Variants in MVD observed in about 807,000 individuals in gnomAD.
The protein encoded by MVD is diphosphomevalonate decarboxylase.
MVD carries 52 observed loss-of-function variants against 42.4 expected under a neutral mutation model. The ratio of observed to expected loss-of-function variants is 1.23; its 90% CI spans 0.98 to 1.55. The LOEUF (loss-of-function observed/expected upper bound fraction) is 1.55. Ranked by LOEUF, MVD falls within the 40% of genes most tolerant of loss-of-function variation. MVD has a pLI of 0.00. For missense variants in MVD, 663 were observed against 572.1 expected (o/e 1.16, Z -1.62); for synonymous variants, 287 against 243.2 (o/e 1.18, Z -1.68).
In MVD at chr16:88,655,648, GGC is replaced by G. The variant is rs1164227528; in HGVS notation, c.678+6_678+7del. 19 of 1,550,780 alleles carry G rather than the reference GGC, an allele frequency of 1.2e-5. No individual in the cohort carries two copies. The highest frequency in any genetic ancestry group is 1.6e-5 in the Non-Finnish European group (18 of 1,147,712). On this transcript the variant is annotated splice_donor_region_variant and intron_variant, in intron 6 of 9. Transcript: ENST00000301012. ...CAGGGCCCCGGGACCACCCGCTCCT[GGC>G]CTTACCCGAAGCAGGGGGCTGGTCT...
rs566255213 is a variant in MVD at position 88,652,274 on chromosome 16, A to C, written c.*251T>G. The C allele has an allele frequency of 3.4e-6, 2 of 591,344 alleles. No individual in the cohort carries two copies. The highest frequency in any genetic ancestry group is 5.7e-5 in the East Asian group (2 of 35,304). The allele number at this position is 591,344 out of a possible 1,614,324, so 36.6% of individuals were successfully genotyped here. A position where few individuals can be genotyped will look rare whatever the true frequency, so the allele number is the denominator to read the frequency against. On this transcript the variant is annotated 3_prime_UTR_variant, in exon 10 of 10. Coordinates refer to ENST00000301012, the MANE Select transcript of MVD (RefSeq NM_002461.3). ...CTGCACCGAGGCTCTGCCAGTTCTC[A>C]TACCCCCTCCCCATCCCATCTTGGC...
At chr16:88,662,918 A>G in intron 1 of MVD, 93 bp downstream of exon 1, 1 of 1,538,096 alleles carries the variant, frequency 6.5e-7, no homozygotes, top group Middle Eastern at 1.9e-4. Flanking sequence ...CTGGGAGGGC[A>G]GGACGGAGCG....
intron 1 of MVD, among the ~76,000 whole-genome samples, chr16:88,659,701 C>A (rs1432634401): frequency 1.3e-5 from 2 of 152,188 alleles, no homozygotes; most frequent in Non-Finnish European, 2.9e-5. Context: ...CGCGGTGGCT[C>A]ACGCCTGTAA....
chr16:88,657,230 G>C (rs1907989762), intron 4 of MVD: 2 of 779,466 alleles, frequency 2.6e-6, no homozygotes, highest in African/African-American at 1.7e-5. Context: ...ACAGGCGAGA[G>C]CCCCACGCCA....
chr16:88,663,059 C>T lies in MVD; in HGVS notation c.22G>A (p.Ala8Thr), dbSNP rs762416390. 8 of 1,610,214 alleles carry T rather than the reference C, an allele frequency of 5.0e-6. No individual in the cohort carries two copies. The highest frequency in any genetic ancestry group is 5.9e-6 in the Non-Finnish European group (7 of 1,178,920). ...ACCGGCGCTGTACAAGTGACTGCCGCCAGCGGCTTCTCCGAGGCCATGGTC... is the reference window on the plus strand; with the variant it reads ...ACCGGCGCTGTACAAGTGACTGCCGTCAGCGGCTTCTCCGAGGCCATGGTC... MASEKPL[A>T]AVTCTAPVNI... The change falls in exon 1 of 10, where the codon GCG becomes ACG. Residue 8 changes from alanine (A) to threonine (T), a missense_variant. Coordinates refer to ENST00000301012, the MANE Select transcript of MVD (RefSeq NM_002461.3).
At chr16:88,653,232 T>G (rs1279729797) in intron 9 of MVD, 68 bp downstream of exon 9, 3 of 1,326,318 alleles carry the variant, frequency 2.3e-6, no homozygotes, top group Non-Finnish European at 3.1e-6. Context: ...TTAAGGGCCC[T>G]GGGGGCTGGG....
At chr16:88,657,215 G>A (rs1907988320) in intron 4 of MVD, 1 of 729,406 alleles carries the variant, frequency 1.4e-6, no homozygotes, top group Non-Finnish European at 2.4e-6. Context: ...TTAAGTACTG[G>A]GATTACAGGC....
chr16:88,657,561 C>T lies in MVD; in HGVS notation c.278G>A (p.Arg93Gln), dbSNP rs763584695. 8.7e-6 allele frequency: 14 copies of T among 1,612,532 alleles called. No individual in the cohort carries two copies. The highest frequency in any genetic ancestry group is 5.0e-5 in the Admixed American group (3 of 60,002). Residue 93 changes from arginine (R) to glutamine (Q), a missense_variant, in exon 4 of 10, where the codon CGG becomes CAG. Arg to Gln is a conservative substitution (Grantham distance 43). Coordinates refer to ENST00000301012, the MANE Select transcript of MVD (RefSeq NM_002461.3). The stretch of plus-strand genomic sequence containing the variant: ...CGGGTCCCCATCCCGTGAGTTCCTC[C>T]GCTTCCGGGCCAGGCAGCGGACTGC... ...LREIRCLARK[R>Q]RNSRDGDPLP... is the part of the protein sequence containing the mutation.
At position 88,655,229 on chromosome 16, in the gene MVD, G is replaced by C. The variant is rs778424719; in HGVS notation, c.867C>G (p.His289Gln). 5 of 1,576,560 alleles carry C rather than the reference G, an allele frequency of 3.2e-6. No individual in the cohort carries two copies. Among genetic ancestry groups the C allele is most frequent in the Non-Finnish European group, 4.3e-6 (5 of 1,161,348 alleles). Residue 289 changes from histidine (H) to glutamine (Q), a missense_variant, in exon 7 of 10, where the codon CAC becomes CAG. Coordinates refer to ENST00000301012, the MANE Select transcript of MVD (RefSeq NM_002461.3). ...AISWRIIHLV[H>Q]RFNAHHGDTK... is the part of the protein sequence containing the mutation. ...TGTCCCCGTGGTGGGCGTTGAAGCG[G>C]TGCACCAGGTGGATGATGCGCCAGG... is the stretch of plus-strand genomic sequence containing the variant.
chr16:88,662,690 C>G (rs536944443), intron 1 of MVD: 3 of 1,352,766 alleles, frequency 2.2e-6, no homozygotes, highest in African/African-American at 1.5e-5. Flanking sequence ...CACAAACGCG[C>G]ACCACCACGG....
In MVD at chr16:88,656,162, G is replaced by C; in HGVS notation, c.546C>G (p.Ile182Met). Residue 182 changes from isoleucine to methionine, a missense_variant, in exon 5 of 10, where the codon ATC (isoleucine) becomes ATG (methionine). Transcript: ENST00000301012. ...GTGACTCGGGGGCCACTTGCCGAGC[G>C]ATGCTGTCCTTCCCGTCGGCCTGCT... is the stretch of plus-strand genomic sequence containing the variant. ...MGEQADGKDS[I>M]ARQVAPESHW... 6.2e-7 allele frequency: 1 copy of C among 1,602,168 alleles called. No homozygotes were observed. Among genetic ancestry groups the C allele is most frequent in the Non-Finnish European group, 8.5e-7 (1 of 1,179,914 alleles).
At position 88,663,049 on chromosome 16, in the gene MVD, G is replaced by A. The variant is rs776161415; in HGVS notation, c.32C>T (p.Thr11Ile). Reference sequence around the variant, plus strand: ...CGCGATGTTGACCGGCGCTGTACAAGTGACTGCCGCCAGCGGCTTCTCCGA... The same window carrying A: ...CGCGATGTTGACCGGCGCTGTACAAATGACTGCCGCCAGCGGCTTCTCCGA... MASEKPLAAV[T>I]CTAPVNIAVI... The change falls in exon 1 of 10, where the codon ACT (threonine) becomes ATT (isoleucine). Residue 11 changes from threonine (T) to isoleucine (I), a missense_variant. Transcript: ENST00000301012. 6.2e-6 allele frequency: 10 copies of A among 1,610,612 alleles called. No homozygotes were observed. The highest frequency in any genetic ancestry group is 4.4e-5 in the South Asian group (4 of 90,740).
intron 2 of MVD, 76 bp from the exon 3 acceptor site, chr16:88,658,105 G>GA: frequency 3.5e-6 from 5 of 1,442,772 alleles, no homozygotes; most frequent in Non-Finnish European, 4.9e-6. Context: ...TTTCTACTGA[G>GA]AGAGCCTCAT....
At chr16:88,654,596 G>T in intron 8 of MVD, 96 bp downstream of exon 8, 1 of 1,268,938 alleles carries the variant, frequency 7.9e-7, no homozygotes, top group Non-Finnish European at 1.1e-6. Flanking sequence ...GGGACTCCCT[G>T]TCTCAGCGCC....
chr16:88,661,843 T>TAAAA (rs56160391), intron 1 of MVD, among the ~76,000 whole-genome samples: 1 of 143,338 alleles, frequency 7.0e-6, no homozygotes, highest in Non-Finnish European at 1.5e-5. Context: ...ACAGTTTCTT[T>TAAAA]AAAAAAAAAA....
intron 9 of MVD, 61 bp from the exon 10 acceptor site, chr16:88,652,666 A>T: frequency 6.8e-7 from 1 of 1,464,440 alleles, no homozygotes; most frequent in Non-Finnish European, 9.3e-7. Context: ...TGTGCCCAGC[A>T]TCTGTAGGGC....
intron 4 of MVD, chr16:88,657,057 T>C: frequency 5.3e-6 from 2 of 380,774 alleles, no homozygotes; most frequent in Non-Finnish European, 1.0e-5. Flanking sequence ...CAGTTTGAAG[T>C]GGTTTCTATC....
chr16:88,657,393 C>A (rs754574323), intron 4 of MVD, 43 bp downstream of exon 4: 100 of 1,547,458 alleles, frequency 6.5e-5, no homozygotes, highest in Non-Finnish European at 8.3e-5. Context: ...GTGGCTCCTG[C>A]GCCCACAGCC....
At position 88,657,948 on chromosome 16, in the gene MVD, C is replaced by G; in HGVS notation, c.223G>C (p.Gly75Arg). 6.2e-7 allele frequency: 1 copy of G among 1,613,822 alleles called. No homozygotes were observed. The highest frequency in any genetic ancestry group is 8.5e-7 in the Non-Finnish European group (1 of 1,180,006). Reference sequence around the variant, plus strand: ...AGGCAGGCCTGCAGCCGCGGCTGCCCCACATCCTCCTCCCGGCCATTCAGC... The same window carrying G: ...AGGCAGGCCTGCAGCCGCGGCTGCCGCACATCCTCCTCCCGGCCATTCAGC... Reference protein sequence around the residue: ...IWLNGREEDVGQPRLQACLRE... With the variant: ...IWLNGREEDVRQPRLQACLRE... The change falls in exon 3 of 10, where the codon GGG becomes CGG. Residue 75 changes from glycine (G) to arginine (R), a missense_variant. Gly to Arg is a moderately radical substitution (Grantham distance 125). Transcript: ENST00000301012.
Sources: gnomAD v4.1 joint callset for allele counts (sites outside exome capture counted in the v4.1 genomes callset) on GRCh38, gnomAD v4.1.1 for gene constraint, MANE v1.5 for transcripts, NCBI Gene and HGNC (gene_info 2026-07-23, HGNC 2026-07-21) for gene names.